The following LRRTM4 variants were observed in gnomAD, a reference collection of about 807,000 sequenced individuals.
LRRTM4 encodes the protein leucine-rich repeat transmembrane neuronal protein 4.
Under a neutral mutation model 47.6 loss-of-function variants are expected in LRRTM4, and 25 were observed. The ratio of observed to expected loss-of-function variants is 0.53; its 90% CI spans 0.38 to 0.73. LRRTM4 has a LOEUF of 0.73. Among genes scored for constraint, LRRTM4 ranks in the 30% least tolerant of loss-of-function variants. The pLI, the probability that LRRTM4 is intolerant of heterozygous loss-of-function variation, is 0.00. For synonymous variants in LRRTM4, 311 were observed against 269.5 expected, an observed-to-expected ratio of 1.15 and a Z score of -1.51; for missense variants, 638 against 713.4, an observed-to-expected ratio of 0.89 and a Z score of 1.20.
At chr2:76,749,147 C>T (rs1161643410) in intron 3 of LRRTM4, among the ~76,000 whole-genome samples, 1 of 152,150 alleles carries the variant, frequency 6.6e-6, no homozygotes, top group Non-Finnish European at 1.5e-5. Flanking sequence ...TTCAACTTTT[C>T]ATTGCTCTAG....
intron 3 of LRRTM4, among the ~76,000 whole-genome samples, chr2:76,836,712 A>G (rs146544430): frequency 5.3e-4 from 81 of 152,206 alleles, no homozygotes; most frequent in African/African-American, 1.9e-3. Context: ...AAATGCACAC[A>G]TTTACTAAGT....
intron 3 of LRRTM4, among the ~76,000 whole-genome samples, chr2:77,059,450 A>G (rs1051518414): frequency 6.7e-6 from 1 of 149,512 alleles, no homozygotes; most frequent in African/African-American, 2.5e-5. Flanking sequence ...AATGGCTTAT[A>G]TTTGGCCTAG....
chr2:77,021,249 G>A (rs1678259473), intron 3 of LRRTM4, among the ~76,000 whole-genome samples: 2 of 152,016 alleles, frequency 1.3e-5, no homozygotes, highest in South Asian at 2.1e-4. Context: ...ACAAGACCAC[G>A]AACTTGAAGA....
intron 3 of LRRTM4, among the ~76,000 whole-genome samples, chr2:77,397,711 G>C (rs988135818): frequency 6.6e-6 from 1 of 151,778 alleles, no homozygotes; most frequent in African/African-American, 2.4e-5. Flanking sequence ...ATAGAGTTAT[G>C]CATATGGTTT....
chr2:77,225,145 T>C (rs1429676203), intron 3 of LRRTM4, among the ~76,000 whole-genome samples: 1 of 134,982 alleles, frequency 7.4e-6, no homozygotes, highest in Non-Finnish European at 1.5e-5. Flanking sequence ...TTCTCACTCA[T>C]AGGTGGGAAT....
At chr2:76,869,291 G>C (rs1056496278) in intron 3 of LRRTM4, among the ~76,000 whole-genome samples, 10 of 151,392 alleles carry the variant, frequency 6.6e-5, no homozygotes, top group African/African-American at 2.2e-4. Flanking sequence ...CCTGGCGAGA[G>C]AGCAAGACTT....
intron 3 of LRRTM4, among the ~76,000 whole-genome samples, chr2:76,907,159 C>A (rs1344249488): frequency 1.3e-5 from 2 of 151,770 alleles, no homozygotes; most frequent in Admixed American, 6.6e-5. Flanking sequence ...GACCACAGTG[C>A]AATCAAACTA....
chr2:77,351,754 G>A (rs1352977024), intron 3 of LRRTM4, among the ~76,000 whole-genome samples: 1 of 151,668 alleles, frequency 6.6e-6, no homozygotes, highest in East Asian at 1.9e-4. Context: ...GGTAGTTAAT[G>A]TGTGTAAAGA....
chr2:77,415,922 G>T (rs1674619136), intron 3 of LRRTM4, among the ~76,000 whole-genome samples: 1 of 151,984 alleles, frequency 6.6e-6, no homozygotes, highest in Admixed American at 6.6e-5. Context: ...TTACATGCTA[G>T]CTAACTTGCC....
At chr2:77,165,481 T>C (rs746600697) in intron 3 of LRRTM4, among the ~76,000 whole-genome samples, 15 of 152,142 alleles carry the variant, frequency 9.9e-5, no homozygotes, top group Non-Finnish European at 2.1e-4. Context: ...TTCATCCTGA[T>C]ACAAAAGCCT....
intron 3 of LRRTM4, among the ~76,000 whole-genome samples, chr2:77,420,531 T>C (rs1674833466): frequency 6.6e-6 from 1 of 151,676 alleles, no homozygotes; most frequent in South Asian, 2.1e-4. Flanking sequence ...TTTGCAGCAC[T>C]GGAGAAAGGA....
chr2:77,112,330 A>C (rs779330473), intron 3 of LRRTM4, among the ~76,000 whole-genome samples: 3 of 152,226 alleles, frequency 2.0e-5, no homozygotes, highest in South Asian at 4.1e-4. Context: ...ACCAAGAAAG[A>C]ATTTAAGCCA....
intron 3 of LRRTM4, among the ~76,000 whole-genome samples, chr2:76,944,249 T>C (rs1220429564): frequency 6.6e-6 from 1 of 152,124 alleles, no homozygotes; most frequent in Non-Finnish European, 1.5e-5. Flanking sequence ...TTCCTCTCTT[T>C]TATGCTCCTG....
intron 3 of LRRTM4, among the ~76,000 whole-genome samples, chr2:76,829,939 C>T (rs1671300922): frequency 6.6e-6 from 1 of 151,890 alleles, no homozygotes; most frequent in South Asian, 2.1e-4. Flanking sequence ...TAGTTTAATC[C>T]ACCTTTTTCT....
intron 3 of LRRTM4, among the ~76,000 whole-genome samples, chr2:76,950,563 G>A (rs1364310655): frequency 1.3e-5 from 2 of 151,890 alleles, no homozygotes. Flanking sequence ...TAATCAAAAT[G>A]AATACTCACT....
intron 3 of LRRTM4, among the ~76,000 whole-genome samples, chr2:77,097,990 A>G (rs1337668983): frequency 6.6e-6 from 1 of 152,044 alleles, no homozygotes; most frequent in Non-Finnish European, 1.5e-5. Flanking sequence ...CGATAAAATT[A>G]TAGACCCAAT....
At chr2:77,238,699 G>C (rs1675177643) in intron 3 of LRRTM4, among the ~76,000 whole-genome samples, 1 of 151,954 alleles carries the variant, frequency 6.6e-6, no homozygotes, top group South Asian at 2.1e-4. Context: ...GTTACAGATA[G>C]CCATCCAGAA....
chr2:76,933,604 G>T (rs1027116620), intron 3 of LRRTM4, among the ~76,000 whole-genome samples: 4 of 151,998 alleles, frequency 2.6e-5, no homozygotes, highest in African/African-American at 9.7e-5. Flanking sequence ...AGATTATCAT[G>T]TTTTGAAAAA....
intron 3 of LRRTM4, among the ~76,000 whole-genome samples, chr2:77,163,408 A>C (rs974872038): frequency 6.6e-6 from 1 of 152,224 alleles, no homozygotes. Flanking sequence ...ACTCTGCAGG[A>C]TATTATCCAG....
Sources: gnomAD v4.1 joint callset for allele counts (sites outside exome capture counted in the v4.1 genomes callset) on GRCh38, gnomAD v4.1.1 for gene constraint, MANE v1.5 for transcripts, NCBI Gene and HGNC (gene_info 2026-07-23, HGNC 2026-07-21) for gene names.